SCN3A: variants seen among roughly 807,000 people sequenced by gnomAD.
SCN3A encodes sodium channel protein type 3 subunit alpha.
In SCN3A, 60 loss-of-function variants were observed where a neutral mutation model predicts 187.6. The ratio of observed to expected loss-of-function variants is 0.32; its 90% confidence interval spans 0.26 to 0.40. The LOEUF (loss-of-function observed/expected upper bound fraction) is 0.40. SCN3A is among the 10% of genes least tolerant of loss of function. The pLI is 1.00. For synonymous variants in SCN3A, 788 were observed against 829.2 expected (o/e 0.95, Z 0.85); for missense variants, 1,601 against 2,428.2 (o/e 0.66, Z 7.16).
intron 21 of SCN3A, among the ~76,000 whole-genome samples, chr2:165,107,279 CT>C (rs1685906221): frequency 6.6e-6 from 1 of 152,094 alleles, no homozygotes; most frequent in African/African-American, 2.4e-5. Context: ...GTAGGATTAT[CT>C]TTTTAAACCT....
In SCN3A at chr2:165,138,056, C is replaced by G; in HGVS notation, c.2214G>C (p.Leu738Phe). ...PCWYRFANVF[L>F]IWDCCDAWLK... Reference sequence around the variant, plus strand: ...ACCATGCATCACAGCAGTCCCAGATCAAGAACACATTGGCAAATCTATACC... The same window carrying G: ...ACCATGCATCACAGCAGTCCCAGATGAAGAACACATTGGCAAATCTATACC... Residue 738 changes from leucine to phenylalanine, a missense_variant, in exon 15 of 28, where the codon TTG (leucine) becomes TTC (phenylalanine). By Grantham distance (22) the Leu-to-Phe change is conservative. This residue lies in a region of SCN3A where 376 missense variants were observed against 476.0 expected (regional missense o/e 0.79). Coordinates refer to ENST00000283254, the MANE Select transcript of SCN3A (RefSeq NM_006922.4). 1 of 1,613,598 alleles carries G rather than the reference C, an allele frequency of 6.2e-7. No individual in the cohort carries two copies. Among genetic ancestry groups the G allele is most frequent in the South Asian group, 1.1e-5 (1 of 91,068 alleles).
chr2:165,193,481 T>C (rs568440420), intron 1 of SCN3A, among the ~76,000 whole-genome samples: 3 of 152,284 alleles, frequency 2.0e-5, no homozygotes, highest in African/African-American at 7.2e-5. Context: ...CAGCATTCTC[T>C]GAACAATCCT....
intron 2 of SCN3A, among the ~76,000 whole-genome samples, chr2:165,181,468 T>C (rs182604949): frequency 1.3e-4 from 20 of 152,318 alleles, no homozygotes; most frequent in Non-Finnish European, 2.2e-4. Context: ...TATTATATAA[T>C]ATCCAAAAAT....
chr2:165,093,826 A>T (rs978072500), intron 26 of SCN3A: 1 of 153,014 alleles, frequency 6.5e-6, no homozygotes, highest in Non-Finnish European at 1.5e-5. Flanking sequence ...AATCTCAGAA[A>T]ATAGCTGAGT....
intron 21 of SCN3A, among the ~76,000 whole-genome samples, chr2:165,102,831 T>C (rs1685672087): frequency 1.3e-5 from 2 of 152,182 alleles, no homozygotes; most frequent in South Asian, 4.1e-4. Flanking sequence ...AAAAACTACC[T>C]GACACTGGAT....
chr2:165,199,275 C>T (rs1692173472), intron 1 of SCN3A, among the ~76,000 whole-genome samples: 1 of 152,020 alleles, frequency 6.6e-6, no homozygotes, highest in East Asian at 1.9e-4. Flanking sequence ...TTTGCTCCAG[C>T]ACAGAGTTTA....
chr2:165,195,429 C>CT (rs1193930680), intron 1 of SCN3A: 2 of 152,084 alleles, frequency 1.3e-5, no homozygotes, highest in African/African-American at 2.4e-5. Flanking sequence ...AATTAACAGA[C>CT]TTTTTTTAGA....
At chr2:165,185,167 G>A (rs772347662) in intron 2 of SCN3A, among the ~76,000 whole-genome samples, 18 of 151,948 alleles carry the variant, frequency 1.2e-4, no homozygotes, top group South Asian at 2.1e-4. Flanking sequence ...CTGTGACTTC[G>A]TCCTTATCAG....
intron 20 of SCN3A, 53 bp from the exon 21 acceptor site, chr2:165,113,111 T>C (rs959729957): frequency 1.4e-6 from 2 of 1,390,116 alleles, no homozygotes; most frequent in African/African-American, 1.4e-5. Context: ...CTTCTAAATA[T>C]TTGAAAAAAT....
chr2:165,151,504 A>G (rs7596201), intron 11 of SCN3A, among the ~76,000 whole-genome samples: 88,015 of 151,458 alleles, frequency 0.58, 25,940 homozygotes, highest in African/African-American at 0.69. Context: ...ATGTTACAGT[A>G]GTTTTGAAGG....
chr2:165,153,952 A>G (rs981221346), intron 11 of SCN3A, among the ~76,000 whole-genome samples: 4 of 144,176 alleles, frequency 2.8e-5, no homozygotes, highest in African/African-American at 7.9e-5. Context: ...AACTTTAGAT[A>G]CCTTCCTGAT....
In SCN3A at chr2:165,104,030, C is replaced by A. The variant is rs147624694; in HGVS notation, c.3844-3606G>T. Among the ~76,000 whole-genome samples, 1,056 of 151,798 alleles carry A rather than the reference C, an allele frequency of 7.0e-3. 12 individuals carry two copies. The highest frequency in any genetic ancestry group is 0.025 in the African/African-American group (1,020 of 41,412). ...TATATTGTTGTTATCTTAAAAAATC[C>A]CATAAGAGAATCAAGTGAAAAACTA... On this transcript the variant is annotated intron_variant, in intron 21 of 27. Transcript: ENST00000283254.
chr2:165,097,639 G>T, intron 22 of SCN3A, 115 bp from the exon 23 acceptor site: 1 of 1,304,506 alleles, frequency 7.7e-7, no homozygotes, highest in Non-Finnish European at 1.1e-6. Context: ...AAAAATCTAG[G>T]TGGACAAGTT....
intron 9 of SCN3A, 93 bp from the exon 10 acceptor site, chr2:165,155,996 C>G: frequency 6.9e-7 from 1 of 1,443,794 alleles, no homozygotes; most frequent in Non-Finnish European, 9.7e-7. Flanking sequence ...CCCAAAGCTG[C>G]TATCTGTGAC....
chr2:165,126,439 CTTTCTTTCTCTT>C (rs1445809763), intron 18 of SCN3A, among the ~76,000 whole-genome samples: 1 of 150,514 alleles, frequency 6.6e-6, no homozygotes, highest in Non-Finnish European at 1.5e-5. Context: ...CCCTTCCTTC[CTTTCTTTCTCTT>C]TTTCTTTTCT....
At chr2:165,128,612 G>A (rs573813868) in intron 17 of SCN3A, among the ~76,000 whole-genome samples, 10 of 152,244 alleles carry the variant, frequency 6.6e-5, no homozygotes, top group Admixed American at 2.0e-4. Flanking sequence ...TGGCCCAATG[G>A]CCACAAACTT....
chr2:165,172,368 T>C (rs1690161844), intron 3 of SCN3A, among the ~76,000 whole-genome samples: 1 of 152,222 alleles, frequency 6.6e-6, no homozygotes, highest in African/African-American at 2.4e-5. Flanking sequence ...AATAGTTTTA[T>C]GAAGCGGGCA....
intron 5 of SCN3A, 107 bp downstream of exon 5, chr2:165,168,629 C>A: frequency 2.4e-6 from 2 of 834,906 alleles, no homozygotes; most frequent in Middle Eastern, 2.9e-4. Flanking sequence ...ATGAAAATAA[C>A]TTTTTCTTAG....
chr2:165,196,049 A>G (rs942478328), intron 1 of SCN3A, among the ~76,000 whole-genome samples: 3 of 152,144 alleles, frequency 2.0e-5, no homozygotes, highest in Non-Finnish European at 4.4e-5. Context: ...CCCCCTCTGC[A>G]CTGATTGTGT....
Sources: gnomAD v4.1 joint callset for allele counts (sites outside exome capture counted in the v4.1 genomes callset) on GRCh38, gnomAD v4.1.1 for gene constraint, gnomAD v4.1.1 regional missense constraint, MANE v1.5 for transcripts, NCBI Gene and HGNC (gene_info 2026-07-23, HGNC 2026-07-21) for gene names.